Variants in ASTN2 observed in about 807,000 individuals in gnomAD.
ASTN2 encodes astrotactin-2.
ASTN2 carries 54 observed loss-of-function variants against 139.8 expected under a neutral mutation model. That is an observed-to-expected ratio of 0.39 (90% CI 0.31 to 0.48). The LOEUF is 0.48. Ranked by LOEUF, ASTN2 falls within the 20% of genes least tolerant of loss-of-function variation. The pLI, the probability that ASTN2 is intolerant of heterozygous loss-of-function variation, is 0.95. For missense variants in ASTN2, 1,565 were observed against 1,725.1 expected, an observed-to-expected ratio of 0.91 and a Z score of 1.64; for synonymous variants, 756 against 719.5, an observed-to-expected ratio of 1.05 and a Z score of -0.81.
chr9:116,695,698 A>G (rs16933832), intron 16 of ASTN2, among the ~76,000 whole-genome samples: 6,403 of 152,240 alleles, frequency 0.042, 474 homozygotes, highest in African/African-American at 0.15. Context: ...ACTTTATCAT[A>G]TGCCTCAACT....
intron 4 of ASTN2, among the ~76,000 whole-genome samples, chr9:117,110,345 C>A (rs1347421586): frequency 6.6e-6 from 1 of 152,112 alleles, no homozygotes; most frequent in Non-Finnish European, 1.5e-5. Flanking sequence ...GGGCTTTATG[C>A]ACTGTTATAC....
intron 20 of ASTN2, among the ~76,000 whole-genome samples, chr9:116,446,272 T>TAGAGAGAGAGAG (rs3040241): frequency 0.026 from 3,072 of 118,816 alleles, 107 homozygotes; most frequent in East Asian, 0.038. Flanking sequence ...GAGAGAGAGA[T>TAGAGAGAGAGAG]AGAGAGAGAG....
intron 4 of ASTN2, among the ~76,000 whole-genome samples, chr9:117,116,462 C>T (rs1404241879): frequency 6.6e-6 from 1 of 151,990 alleles, no homozygotes; most frequent in African/African-American, 2.4e-5. Flanking sequence ...TCTGGCCACA[C>T]AAGAATTAAA....
In ASTN2 at chr9:116,978,198, C is replaced by T. The variant is rs574344184; in HGVS notation, c.1592-1413G>A. On this transcript the variant is annotated intron_variant, in intron 7 of 22. Transcript: ENST00000313400. ...AGGGTGATACATACACAATTTTCAC[C>T]AACTTATTTTTCTTTGGGAGCCTTG... 4.6e-5 allele frequency among the ~76,000 whole-genome samples: 7 copies of T among 152,156 alleles called. No individual in the cohort carries two copies. In the South Asian group the frequency reaches 1.5e-3, roughly 32 times the overall value.
At chr9:117,199,605 A>G (rs933544825) in intron 3 of ASTN2, among the ~76,000 whole-genome samples, 3 of 151,328 alleles carry the variant, frequency 2.0e-5, no homozygotes, top group Admixed American at 6.6e-5. Context: ...TCTTGGCTAC[A>G]TGGGTTCTTC....
chr9:117,358,973 G>C (rs1829622485), intron 1 of ASTN2, among the ~76,000 whole-genome samples: 1 of 152,112 alleles, frequency 6.6e-6, no homozygotes, highest in Non-Finnish European at 1.5e-5. Context: ...TCGGTGAATG[G>C]TGGGAGGTTA....
At chr9:116,828,278 G>T (rs1180490508) in intron 11 of ASTN2, among the ~76,000 whole-genome samples, 1 of 132,960 alleles carries the variant, frequency 7.5e-6, no homozygotes, top group East Asian at 2.2e-4. Context: ...TCTAGCCTGG[G>T]CAACAGAGCG....
At chr9:116,680,145 A>C (rs1463394867) in intron 16 of ASTN2, among the ~76,000 whole-genome samples, 1 of 152,194 alleles carries the variant, frequency 6.6e-6, no homozygotes, top group Non-Finnish European at 1.5e-5. Context: ...ATAAAGAAGA[A>C]AAGAGAGAAG....
At chr9:116,563,414 A>C (rs1462671485) in intron 19 of ASTN2, among the ~76,000 whole-genome samples, 1 of 148,894 alleles carries the variant, frequency 6.7e-6, no homozygotes, top group African/African-American at 2.5e-5. Context: ...AATAAAAATA[A>C]AAAAATTATC....
intron 11 of ASTN2, among the ~76,000 whole-genome samples, chr9:116,838,469 A>T (rs951371353): frequency 1.3e-5 from 2 of 149,518 alleles, no homozygotes; most frequent in African/African-American, 5.0e-5. Context: ...TGTTGCCCAG[A>T]CTGGAGTGCA....
intron 1 of ASTN2, among the ~76,000 whole-genome samples, chr9:117,406,946 T>C (rs751507798): frequency 1.8e-4 from 27 of 152,020 alleles, no homozygotes; most frequent in Admixed American, 2.6e-4. Flanking sequence ...CTTTGTCTTT[T>C]GTTCTCTGAT....
At chr9:116,461,296 G>C (rs867061688) in intron 20 of ASTN2, among the ~76,000 whole-genome samples, 1 of 151,714 alleles carries the variant, frequency 6.6e-6, no homozygotes, top group Admixed American at 6.6e-5. Context: ...ACAGGATTTA[G>C]TCTGTTTTAT....
chr9:116,995,899 G>A (rs1326467103), intron 7 of ASTN2, among the ~76,000 whole-genome samples: 5 of 152,084 alleles, frequency 3.3e-5, no homozygotes, highest in Non-Finnish European at 7.3e-5. Flanking sequence ...GGATTGCAGT[G>A]GTGTGATCAT....
chr9:116,622,884 G>A (rs1189252803), intron 17 of ASTN2, among the ~76,000 whole-genome samples: 5 of 152,236 alleles, frequency 3.3e-5, no homozygotes, highest in African/African-American at 4.8e-5. Context: ...GCCAGCACCA[G>A]AAGGAGGCAC....
chr9:116,557,245 A>AAAAG (rs1852676713), intron 19 of ASTN2, among the ~76,000 whole-genome samples: 5 of 151,074 alleles, frequency 3.3e-5, no homozygotes, highest in Non-Finnish European at 7.4e-5. Context: ...AAAAAAAAAA[A>AAAAG]AAAAGAAAAG....
At chr9:117,025,586 ACT>A (rs1285321117) in intron 6 of ASTN2, among the ~76,000 whole-genome samples, 1 of 151,760 alleles carries the variant, frequency 6.6e-6, no homozygotes, top group Non-Finnish European at 1.5e-5. Flanking sequence ...CAGACTGATC[ACT>A]CTCTCATCCT....
intron 20 of ASTN2, among the ~76,000 whole-genome samples, chr9:116,454,862 G>T (rs559109337): frequency 2.6e-5 from 4 of 152,194 alleles, no homozygotes; most frequent in African/African-American, 9.6e-5. Flanking sequence ...ACACAGGGTG[G>T]GGATCATCAC....
At chr9:117,084,720 T>C (rs781273876) in intron 5 of ASTN2, among the ~76,000 whole-genome samples, 4 of 152,188 alleles carry the variant, frequency 2.6e-5, no homozygotes, top group East Asian at 3.8e-4. Context: ...ATACACTCCA[T>C]AGGGGCCCAA....
At chr9:116,863,439 G>A (rs1179327520) in intron 11 of ASTN2, 144 bp downstream of exon 11, 2 of 993,244 alleles carry the variant, frequency 2.0e-6, no homozygotes, top group East Asian at 2.7e-5. Flanking sequence ...ACCAAGGTAG[G>A]CTGGCATACT....
Sources: gnomAD v4.1 joint callset for allele counts (sites outside exome capture counted in the v4.1 genomes callset) on GRCh38, gnomAD v4.1.1 for gene constraint, MANE v1.5 for transcripts, NCBI Gene and HGNC (gene_info 2026-07-23, HGNC 2026-07-21) for gene names.